Variants in AGFG1 observed in about 807,000 individuals in gnomAD.
AGFG1 encodes ArfGAP with FG repeats 1, also known as arf-GAP domain and FG repeat-containing protein 1.
In AGFG1, 10 loss-of-function variants were observed where a neutral mutation model predicts 60.6. That is an observed-to-expected ratio of 0.16 (90% CI 0.10 to 0.28). AGFG1 has a LOEUF of 0.28. AGFG1 is among the 10% of genes least tolerant of loss of function. AGFG1 has a pLI of 1.00. For missense variants in AGFG1, 537 were observed against 676.5 expected (o/e 0.79, Z 2.29); for synonymous variants, 247 against 242.9 (o/e 1.02, Z -0.16).
chr2:227,489,143 G>T (rs1690722992), intron 1 of AGFG1, among the ~76,000 whole-genome samples: 1 of 150,472 alleles, frequency 6.6e-6, no homozygotes, highest in East Asian at 2.0e-4. Flanking sequence ...CTAGTCTTTA[G>T]AGCCTTATTT....
intron 1 of AGFG1, among the ~76,000 whole-genome samples, chr2:227,484,589 G>A (rs1376059881): frequency 6.6e-6 from 1 of 150,902 alleles, no homozygotes; most frequent in East Asian, 2.0e-4. Flanking sequence ...TTTACAGTTT[G>A]CTTACCCCTT....
rs1270963857 is a variant in AGFG1, at chr2:227,555,219, T to C, written c.*724T>C. On this transcript the variant is annotated 3_prime_UTR_variant, in exon 13 of 13. Transcript: ENST00000310078. ...ACATCTTGAATTCTTAAAAGACTTC[T>C]TAGTGACTTTTTATAAAAAGGCCAT... 1 of 152,606 alleles carries C rather than the reference T, an allele frequency of 6.6e-6. No individual in the cohort carries two copies. The highest frequency in any genetic ancestry group is 6.5e-5 in the Admixed American group (1 of 15,284). The allele number at this position is 152,606 out of a possible 1,614,324, so 9.5% of individuals were successfully genotyped here. A position where few individuals can be genotyped will look rare whatever the true frequency, so the allele number is the denominator to read the frequency against.
intron 2 of AGFG1, among the ~76,000 whole-genome samples, chr2:227,502,465 C>T (rs571591576): frequency 2.1e-4 from 32 of 152,142 alleles, no homozygotes; most frequent in South Asian, 2.1e-3. Context: ...GGACCACAAG[C>T]GCACACCACC....
At chr2:227,552,982 A>G (rs979616207) in intron 11 of AGFG1, among the ~76,000 whole-genome samples, 2 of 143,722 alleles carry the variant, frequency 1.4e-5, no homozygotes, top group African/African-American at 5.3e-5. Context: ...CTTGGGTGAC[A>G]AGAGTGAAAT....
rs4972890 is a variant in AGFG1, at chr2:227,548,669, G to C, written c.1379-3290G>C. ...TAAAGTAGATAAGGCCGGGTGCAGT[G>C]GCTCACGCCTGTAATCCCAGCACTT... On this transcript the variant is annotated intron_variant, in intron 10 of 12. Transcript: ENST00000310078. Among the ~76,000 whole-genome samples, 5 of 152,110 alleles carry C rather than the reference G, an allele frequency of 3.3e-5. No homozygotes were observed. In the South Asian group the frequency reaches 1.0e-3, roughly 32 times the overall value.
intron 3 of AGFG1, 132 bp from the exon 4 acceptor site, chr2:227,523,631 T>C (rs1691888753): frequency 2.5e-6 from 2 of 814,940 alleles, no homozygotes; most frequent in Non-Finnish European, 3.7e-6. Flanking sequence ...TGCAAAGTTA[T>C]TCTGTGTGAG....
chr2:227,491,935 G>A (rs756788255), intron 2 of AGFG1, among the ~76,000 whole-genome samples: 3 of 152,056 alleles, frequency 2.0e-5, no homozygotes, highest in East Asian at 3.8e-4. Flanking sequence ...GTTAGTCTTC[G>A]CTTCAAAAGT....
chr2:227,474,139 C>G (rs1479648539), intron 1 of AGFG1, among the ~76,000 whole-genome samples: 2 of 152,108 alleles, frequency 1.3e-5, no homozygotes, highest in Admixed American at 1.3e-4. Context: ...AGGAGGTAGC[C>G]TGGTTCATGC....
At chr2:227,486,746 G>T (rs7580230) in intron 1 of AGFG1, among the ~76,000 whole-genome samples, 152,174 of 152,338 alleles carry the variant, frequency 1, 76,007 homozygotes, top group Middle Eastern at 1. Flanking sequence ...GAACTTCCAT[G>T]AATTTCTTTT....
chr2:227,505,972 A>C (rs529937417), intron 2 of AGFG1, among the ~76,000 whole-genome samples: 2 of 152,218 alleles, frequency 1.3e-5, no homozygotes, highest in Admixed American at 6.5e-5. Flanking sequence ...TTGAACTCCT[A>C]ATCTCGTGAT....
intron 2 of AGFG1, among the ~76,000 whole-genome samples, chr2:227,504,096 AGAG>A (rs1309786286): frequency 4.6e-5 from 7 of 152,220 alleles, no homozygotes; most frequent in Non-Finnish European, 8.8e-5. Flanking sequence ...AGGAGGAGGA[AGAG>A]GAGGAGGGAG....
At chr2:227,532,720 T>C (rs889172081) in intron 6 of AGFG1, among the ~76,000 whole-genome samples, 2 of 152,148 alleles carry the variant, frequency 1.3e-5, no homozygotes, top group Non-Finnish European at 1.5e-5. Flanking sequence ...TTTCTGAAAC[T>C]AAAGTTTAGA....
At chr2:227,480,485 C>G (rs559700594) in intron 1 of AGFG1, among the ~76,000 whole-genome samples, 12 of 152,128 alleles carry the variant, frequency 7.9e-5, no homozygotes, top group Admixed American at 3.3e-4. Context: ...CTACAACTTT[C>G]ATCTGTCAGG....
chr2:227,550,642 A>T (rs1265145549), intron 10 of AGFG1, among the ~76,000 whole-genome samples: 1 of 152,188 alleles, frequency 6.6e-6, no homozygotes, highest in Non-Finnish European at 1.5e-5. Flanking sequence ...GTAATAAAAA[A>T]GTAATTTTTT....
rs1014223169 is a variant in AGFG1 at position 227,472,542 on chromosome 2, A to G, written c.121A>G (p.Asn41Asp). 4 of 1,582,128 alleles carry G rather than the reference A, an allele frequency of 2.5e-6. No individual in the cohort carries two copies. The highest frequency in any genetic ancestry group is 3.4e-6 in the Non-Finnish European group (4 of 1,164,008). Residue 41 changes from asparagine to aspartate, a missense_variant, in exon 1 of 13, where the codon AAC becomes GAC. Physicochemically the swap from Asn to Asp is conservative, Grantham distance 23 (BLOSUM62 1). Coordinates refer to ENST00000310078, the MANE Select transcript of AGFG1 (RefSeq NM_004504.5). The part of the protein sequence containing the change: ...DCDQRGPTYV[N>D]MTVGSFVCTS... ...CGACCAGCGCGGCCCCACCTACGTT[A>G]ACATGACGGTCGGCTCCTTCGTGTG...
At chr2:227,490,069 G>GC (rs1690760246) in intron 1 of AGFG1, among the ~76,000 whole-genome samples, 2 of 151,964 alleles carry the variant, frequency 1.3e-5, no homozygotes, top group African/African-American at 4.8e-5. Flanking sequence ...CGTCGTCTCG[G>GC]CCCCCCAAAG....
chr2:227,506,106 C>G (rs1394999504), intron 2 of AGFG1, among the ~76,000 whole-genome samples: 3 of 152,164 alleles, frequency 2.0e-5, no homozygotes, highest in African/African-American at 7.2e-5. Context: ...ATTCTAAAAT[C>G]TTTATCATTG....
At chr2:227,501,180 A>C (rs919789214) in intron 2 of AGFG1, among the ~76,000 whole-genome samples, 6 of 152,154 alleles carry the variant, frequency 3.9e-5, no homozygotes, top group African/African-American at 1.2e-4. Flanking sequence ...TCCTGGATTC[A>C]AGAGATTCTC....
intron 1 of AGFG1, among the ~76,000 whole-genome samples, chr2:227,476,965 G>A (rs1164891482): frequency 1.4e-5 from 2 of 147,934 alleles, no homozygotes; most frequent in African/African-American, 2.5e-5. Flanking sequence ...GCAGTGGTAC[G>A]ATCACGGCTC....
Sources: gnomAD v4.1 joint callset for allele counts (sites outside exome capture counted in the v4.1 genomes callset) on GRCh38, gnomAD v4.1.1 for gene constraint, MANE v1.5 for transcripts, NCBI Gene and HGNC (gene_info 2026-07-23, HGNC 2026-07-21) for gene names.